NF1: variants seen among roughly 807,000 people sequenced by gnomAD.
NF1 encodes the protein neurofibromin.
A neutral mutation model predicts 325.7 loss-of-function variants in NF1; 122 were observed. The observed-to-expected ratio is 0.37, with a 90% confidence interval of 0.32 to 0.44. The LOEUF (loss-of-function observed/expected upper bound fraction) is 0.44, where lower values mean the gene tolerates loss of function less well. Among genes scored for constraint, NF1 ranks in the 20% least tolerant of loss-of-function variants. The pLI is 1.00. For synonymous variants in NF1, 1,091 were observed against 1,186.0 expected (o/e 0.92, Z 1.65); for missense variants, 2,140 against 3,415.4 (o/e 0.63, Z 9.31).
intron 36 of NF1, among the ~76,000 whole-genome samples, chr17:31,301,680 C>T (rs1294257824): frequency 6.6e-6 from 1 of 152,098 alleles, no homozygotes; most frequent in East Asian, 1.9e-4. Context: ...GAGTGTTGAA[C>T]CAATAGTCAG....
In NF1 at chr17:31,214,278, C is replaced by T. The variant is rs2066780811; in HGVS notation, c.1393-173C>T. Reference sequence around the variant, plus strand: ...AAACGATTTTCATTGTTTTGTTAAGCTTAATAATACTGACCTTATGCTTAC... The same window carrying T: ...AAACGATTTTCATTGTTTTGTTAAGTTTAATAATACTGACCTTATGCTTAC... On this transcript the variant is annotated intron_variant, in intron 12 of 57. Transcript: ENST00000358273. Among the ~76,000 whole-genome samples the T allele has an allele frequency of 2.0e-5, 3 of 151,928 alleles. No individual in the cohort carries two copies. In the South Asian group the frequency reaches 6.2e-4, roughly 32 times the overall value.
intron 48 of NF1, among the ~76,000 whole-genome samples, chr17:31,343,404 G>A (rs2069879690): frequency 6.6e-6 from 1 of 151,938 alleles, no homozygotes; most frequent in South Asian, 2.1e-4. Context: ...AATTAGCCAG[G>A]CATGGTGGCA....
chr17:31,288,479 C>A (rs1440445679), intron 36 of NF1, among the ~76,000 whole-genome samples: 1 of 151,102 alleles, frequency 6.6e-6, no homozygotes, highest in Non-Finnish European at 1.5e-5. Context: ...AGAATTGTTC[C>A]AAAGGTAACT....
At chr17:31,191,612 G>A (rs2066343688) in intron 8 of NF1, among the ~76,000 whole-genome samples, 1 of 152,206 alleles carries the variant, frequency 6.6e-6, no homozygotes, top group Non-Finnish European at 1.5e-5. Flanking sequence ...AGGAGTGAGA[G>A]TTAGGGGAGG....
chr17:31,108,823 G>C (rs1913133385), intron 1 of NF1, among the ~76,000 whole-genome samples: 1 of 152,078 alleles, frequency 6.6e-6, no homozygotes, highest in African/African-American at 2.4e-5. Context: ...GTTAACAGGG[G>C]GGCAAGCCAA....
intron 47 of NF1, among the ~76,000 whole-genome samples, chr17:31,341,594 A>T (rs1208717195): frequency 6.9e-6 from 1 of 145,042 alleles, no homozygotes; most frequent in African/African-American, 2.6e-5. Context: ...ATATATATAA[A>T]GTGTGTGTGT....
chr17:31,105,991 A>T, intron 1 of NF1, among the ~76,000 whole-genome samples: 1 of 152,238 alleles, frequency 6.6e-6, no homozygotes, highest in East Asian at 1.9e-4. Context: ...TTTTATACTC[A>T]GATAATGACC....
At chr17:31,320,327 T>C in intron 36 of NF1, 2 of 1,464,922 alleles carry the variant, frequency 1.4e-6, no homozygotes, top group Non-Finnish European at 1.8e-6. Flanking sequence ...CAAATGTACT[T>C]AGGAGTCCTT....
chr17:31,206,827 T>C (rs993654968), intron 12 of NF1, among the ~76,000 whole-genome samples: 1 of 152,160 alleles, frequency 6.6e-6, no homozygotes, highest in Non-Finnish European at 1.5e-5. Flanking sequence ...GTTTTTGTAT[T>C]TAAAATAAAA....
chr17:31,288,721 G>C (rs1228300726), intron 36 of NF1, among the ~76,000 whole-genome samples: 1 of 151,804 alleles, frequency 6.6e-6, no homozygotes, highest in Non-Finnish European at 1.5e-5. Flanking sequence ...TAGCGATAGG[G>C]TTTCACCATT....
chr17:31,302,410 A>G (rs1280587917), intron 36 of NF1, among the ~76,000 whole-genome samples: 1 of 152,232 alleles, frequency 6.6e-6, no homozygotes, highest in South Asian at 2.1e-4. Flanking sequence ...GAGAACAGTT[A>G]TGATGATTTA....
chr17:31,178,117 A>G (rs571327400), intron 5 of NF1, among the ~76,000 whole-genome samples: 14 of 152,278 alleles, frequency 9.2e-5, no homozygotes, highest in Non-Finnish European at 1.6e-4. Context: ...GCAGCCAGAG[A>G]GAAAGGTCGG....
chr17:31,306,673 A>G (rs2068729667), intron 36 of NF1, among the ~76,000 whole-genome samples: 1 of 152,136 alleles, frequency 6.6e-6, no homozygotes, highest in African/African-American at 2.4e-5. Context: ...TTAAAATCCT[A>G]GAGTGATCTC....
chr17:31,193,648 A>T (rs1245696221), intron 8 of NF1, among the ~76,000 whole-genome samples: 1 of 152,034 alleles, frequency 6.6e-6, no homozygotes, highest in African/African-American at 2.4e-5. Flanking sequence ...ATATACAAGG[A>T]ACTCTGATAT....
intron 4 of NF1, among the ~76,000 whole-genome samples, chr17:31,168,361 C>T (rs17878945): frequency 0.033 from 4,999 of 152,196 alleles, 106 homozygotes; most frequent in South Asian, 0.083. Flanking sequence ...ATTGTCATAC[C>T]TATCAAGAAT....
chr17:31,230,036 C>T (rs183562291), intron 22 of NF1, 62 bp downstream of exon 22: 4 of 1,578,432 alleles, frequency 2.5e-6, no homozygotes, highest in South Asian at 2.2e-5. Context: ...CTCTTACACA[C>T]TGATACTGGT....
intron 40 of NF1, 88 bp downstream of exon 40, chr17:31,335,119 A>G: frequency 9.0e-7 from 1 of 1,110,476 alleles, no homozygotes; most frequent in Non-Finnish European, 1.3e-6. Context: ...TGCGCTAGAC[A>G]CTAGGGATAG....
At chr17:31,311,770 T>C (rs1423642964) in intron 36 of NF1, among the ~76,000 whole-genome samples, 1 of 152,204 alleles carries the variant, frequency 6.6e-6, no homozygotes, top group Non-Finnish European at 1.5e-5. Flanking sequence ...AATACAAAAA[T>C]CATGCTAATC....
At chr17:31,161,331 G>C (rs2143658810) in intron 3 of NF1, among the ~76,000 whole-genome samples, 1 of 152,316 alleles carries the variant, frequency 6.6e-6, no homozygotes, top group Middle Eastern at 3.4e-3. Context: ...TTTTTGTGAA[G>C]TCTGTTTATG....
Sources: allele counts gnomAD v4.1 joint callset (sites outside exome capture counted in the v4.1 genomes callset), GRCh38; gene constraint gnomAD v4.1.1; transcripts MANE v1.5; gene names NCBI Gene and HGNC (gene_info 2026-07-23, HGNC 2026-07-21).